ADGRG4: variants seen among roughly 807,000 people sequenced by gnomAD.
The protein encoded by ADGRG4 is G protein-coupled receptor 112.
ADGRG4 carries 122 observed loss-of-function variants against 126.2 expected under a neutral mutation model. That is an observed-to-expected ratio of 0.97 (90% CI 0.83 to 1.12). The LOEUF (loss-of-function observed/expected upper bound fraction) is 1.12, where lower values mean the gene tolerates loss of function less well. ADGRG4 is among the 50% of genes most tolerant of loss of function. The pLI is 0.00. For synonymous variants in ADGRG4, 943 were observed against 838.7 expected, an observed-to-expected ratio of 1.12 and a Z score of -2.15; for missense variants, 2,481 against 2,251.8, an observed-to-expected ratio of 1.10 and a Z score of -2.06.
At chrX:136,301,163 C>G in intron 1 of ADGRG4, among the ~76,000 whole-genome samples, 163 bp downstream of exon 1, 1 of 112,256 alleles carries the variant, frequency 8.9e-6, no homozygotes, top group East Asian at 2.8e-4. Flanking sequence ...AATTGCCACA[C>G]TGTCTTCCAC....
intron 13 of ADGRG4, among the ~76,000 whole-genome samples, chrX:136,364,134 A>G (rs1442251655): frequency 1.8e-5 from 2 of 110,718 alleles, no homozygotes; most frequent in Non-Finnish European, 3.8e-5. Context: ...TCGGCTAATT[A>G]TTGTTTTTAT....
At chrX:136,323,734 T>C (rs1007099740) in intron 5 of ADGRG4, among the ~76,000 whole-genome samples, 26 of 111,359 alleles carry the variant, frequency 2.3e-4, no homozygotes, top group African/African-American at 8.2e-4. Flanking sequence ...GCTATAATGA[T>C]CAAAATCAGA....
chrX:136,399,477 AG>A (rs1418771573), intron 20 of ADGRG4, among the ~76,000 whole-genome samples: 1 of 111,053 alleles, frequency 9.0e-6, no homozygotes, highest in Non-Finnish European at 1.9e-5. Flanking sequence ...GAACTATCCA[AG>A]TAGCTCTACT....
At position 136,346,613 on chromosome X, in the gene ADGRG4, T is replaced by C; in HGVS notation, c.2907T>C (p.Ser969=). The change falls in exon 6 of 26, where the codon TCT becomes TCC. Residue 969 remains serine (S), a synonymous_variant. Transcript: ENST00000394143. ...TATTCGGTGAACCCCTGGGTGCTTC[T>C]ACCACAAGGATATCAGAAACCAGTT... ...THIFGEPLGA[S]TTRISETSFS... is the part of the protein sequence containing the mutation. The C allele has an allele frequency of 8.3e-7, 1 of 1,210,367 alleles. No individual in the cohort carries two copies. Among genetic ancestry groups the C allele is most frequent in the Non-Finnish European group, 1.1e-6 (1 of 894,275 alleles).
At chrX:136,355,056 T>C (rs928374061) in intron 8 of ADGRG4, among the ~76,000 whole-genome samples, 4 of 111,681 alleles carry the variant, frequency 3.6e-5, no homozygotes, top group Admixed American at 9.5e-5. Context: ...TGAAGAAAGA[T>C]TAGAGTTCCG....
At chrX:136,355,319 C>T in intron 8 of ADGRG4, among the ~76,000 whole-genome samples, 1 of 110,822 alleles carries the variant, frequency 9.0e-6, no homozygotes, top group East Asian at 2.8e-4. Context: ...GATCTAATTA[C>T]CCCTCAAAGG....
intron 11 of ADGRG4, among the ~76,000 whole-genome samples, chrX:136,361,078 G>C (rs1478971762): frequency 1.8e-5 from 2 of 110,642 alleles, no homozygotes; most frequent in Admixed American, 9.7e-5. Flanking sequence ...GGTGGCTGAG[G>C]TGGGAGGATT....
intron 11 of ADGRG4, among the ~76,000 whole-genome samples, chrX:136,360,920 G>T (rs775511716): frequency 3.6e-5 from 4 of 111,771 alleles, no homozygotes; most frequent in Non-Finnish European, 7.5e-5. Flanking sequence ...TATCTCAGAA[G>T]CTGGGCAATT....
chrX:136,314,816 C>A (rs1267567066), intron 4 of ADGRG4, among the ~76,000 whole-genome samples: 1 of 112,473 alleles, frequency 8.9e-6, no homozygotes, highest in Admixed American at 9.4e-5. Flanking sequence ...AACACTGACA[C>A]ATAGTCAATG....
At chrX:136,331,311 G>C (rs1313177261) in intron 5 of ADGRG4, among the ~76,000 whole-genome samples, 1 of 112,369 alleles carries the variant, frequency 8.9e-6, no homozygotes, top group African/African-American at 3.2e-5. Flanking sequence ...AAATATGTGA[G>C]TGCAGATATC....
chrX:136,347,959 C>T lies in ADGRG4; in HGVS notation c.4253C>T (p.Thr1418Ile), dbSNP rs200964504. Residue 1418 changes from threonine to isoleucine, a missense_variant, in exon 6 of 26, where the codon ACC becomes ATC. Transcript: ENST00000394143. ...GGCCAGGATACTTCATTTGTAGATA[C>T]CACAACTTCCAGCTCAACAAGGATA... The part of the protein sequence containing the change: ...SYGQDTSFVD[T>I]TTSSSTRISN... The T allele has an allele frequency of 1.3e-5, 16 of 1,207,299 alleles. No homozygotes were observed. The highest frequency in any genetic ancestry group is 1.8e-5 in the Non-Finnish European group (16 of 892,721).
At chrX:136,303,457 AAGAC>A (rs72009915) in intron 1 of ADGRG4, among the ~76,000 whole-genome samples, 8,181 of 110,722 alleles carry the variant, frequency 0.074, 329 homozygotes, top group East Asian at 0.14. Flanking sequence ...TCTCAAAGGA[AAGAC>A]AGACAGACAG....
chrX:136,326,494 C>G (rs982376097), intron 5 of ADGRG4, among the ~76,000 whole-genome samples: 2 of 111,589 alleles, frequency 1.8e-5, no homozygotes, highest in Admixed American at 1.9e-4. Flanking sequence ...GTTCTTTTCA[C>G]CTCCCACCGT....
intron 9 of ADGRG4, 136 bp from the exon 10 acceptor site, chrX:136,357,568 A>C: frequency 2.2e-6 from 1 of 455,066 alleles, no homozygotes; most frequent in Admixed American, 3.5e-5. Context: ...GATGTTTTTG[A>C]GGGTAGTTTG....
intron 13 of ADGRG4, among the ~76,000 whole-genome samples, chrX:136,367,589 G>A (rs1000996007): frequency 6.3e-5 from 7 of 111,890 alleles, no homozygotes; most frequent in Non-Finnish European, 1.1e-4. Flanking sequence ...AATCTACCGC[G>A]GAGTAAAGGA....
intron 5 of ADGRG4, among the ~76,000 whole-genome samples, chrX:136,336,200 T>A (rs182894839): frequency 6.6e-4 from 74 of 111,979 alleles, no homozygotes; most frequent in African/African-American, 2.2e-3. Context: ...CTAGTTTGAT[T>A]TCATAATAAT....
chrX:136,308,441 T>C (rs1201889626), intron 3 of ADGRG4, among the ~76,000 whole-genome samples: 1 of 112,111 alleles, frequency 8.9e-6, no homozygotes, highest in Non-Finnish European at 1.9e-5. Context: ...TTAATGTCTG[T>C]CCTCCCCACA....
At chrX:136,363,427 C>A in intron 12 of ADGRG4, 50 bp from the exon 13 acceptor site, 1 of 839,137 alleles carries the variant, frequency 1.2e-6, no homozygotes, top group Non-Finnish European at 1.8e-6. Context: ...TGCTTTAAGA[C>A]TATCTTTGCC....
rs1157599643 is a variant in ADGRG4 at position 136,347,434 on chromosome X, T to C, written c.3728T>C (p.Val1243Ala). ...SSATYRVHTP[V>A]SIQLVTSTSV... ...GCCACATATCGTGTACACACACCAG[T>C]GTCCATCCAGTTGGTGACTAGCACC... Residue 1243 changes from valine (V) to alanine (A), a missense_variant, in exon 6 of 26, where the codon GTG becomes GCG. Physicochemically the swap from Val to Ala is moderately conservative, Grantham distance 64. Coordinates refer to ENST00000394143, the MANE Select transcript of ADGRG4 (RefSeq NM_153834.4). 8.3e-7 allele frequency: 1 copy of C among 1,209,579 alleles called. No individual in the cohort carries two copies. The highest frequency in any genetic ancestry group is 1.1e-6 in the Non-Finnish European group (1 of 893,387).
Sources: allele counts gnomAD v4.1 joint callset (sites outside exome capture counted in the v4.1 genomes callset), GRCh38; gene constraint gnomAD v4.1.1; transcripts MANE v1.5; gene names NCBI Gene and HGNC (gene_info 2026-07-23, HGNC 2026-07-21).